The following MLLT10 variants were observed in gnomAD, a reference collection of about 807,000 sequenced individuals.
The protein encoded by MLLT10 is MLLT10 histone lysine methyltransferase DOT1L cofactor, also known as protein AF-10.
MLLT10 carries 30 observed loss-of-function variants against 129.1 expected under a neutral mutation model. The ratio of observed to expected loss-of-function variants is 0.23; its 90% CI spans 0.17 to 0.32. The LOEUF is 0.32. Among genes scored for constraint, MLLT10 ranks in the 10% least tolerant of loss-of-function variants. The pLI is 1.00. For missense variants in MLLT10, 1,119 were observed against 1,268.3 expected, an observed-to-expected ratio of 0.88 and a Z score of 1.79; for synonymous variants, 490 against 446.4, an observed-to-expected ratio of 1.10 and a Z score of -1.23.
At chr10:21,727,196 T>A (rs557714120) in intron 15 of MLLT10, among the ~76,000 whole-genome samples, 1 of 152,262 alleles carries the variant, frequency 6.6e-6, no homozygotes, top group South Asian at 2.1e-4. Flanking sequence ...ATAAGGTGAT[T>A]TTTATAAGGA....
intron 3 of MLLT10, among the ~76,000 whole-genome samples, chr10:21,573,618 G>A (rs533464957): frequency 6.7e-6 from 1 of 150,328 alleles, no homozygotes; most frequent in Non-Finnish European, 1.5e-5. Flanking sequence ...TTAGTGATGG[G>A]TACAGTGGCA....
Position 21,743,263 on chromosome 10 carries a change from G to A in MLLT10, c.*1280G>A, listed in dbSNP as rs140699186. 82 of 227,404 alleles carry A rather than the reference G, an allele frequency of 3.6e-4. No homozygotes were observed. In the East Asian group the frequency reaches 5.2e-3, roughly 14 times the overall value. The allele number at this position is 227,404 out of a possible 1,614,324, so 14.1% of individuals were successfully genotyped here. ...ATGTTAATTCTGCAATATGTTTCTT[G>A]GTTAAACATTGCACAGTTCTTACCT... On this transcript the variant is annotated 3_prime_UTR_variant, in exon 23 of 23. Coordinates refer to ENST00000307729, the MANE Select transcript of MLLT10 (RefSeq NM_001195626.3).
intron 14 of MLLT10, among the ~76,000 whole-genome samples, chr10:21,714,314 A>C (rs2056365299): frequency 6.7e-6 from 1 of 148,160 alleles, no homozygotes; most frequent in African/African-American, 2.5e-5. Context: ...TTTTAAAATT[A>C]CACAAAAAAT....
chr10:21,553,807 G>A (rs1489864964), intron 3 of MLLT10, among the ~76,000 whole-genome samples: 4 of 151,920 alleles, frequency 2.6e-5, no homozygotes, highest in East Asian at 1.9e-4. Context: ...GCGCCACCAT[G>A]CCTGGCTAAT....
intron 5 of MLLT10, among the ~76,000 whole-genome samples, chr10:21,602,745 T>G (rs79786925): frequency 6.6e-6 from 1 of 152,126 alleles, no homozygotes; most frequent in South Asian, 2.1e-4. Flanking sequence ...TTTTTTTTTT[T>G]TGAGACAGTG....
chr10:21,592,617 C>T (rs553343967), intron 4 of MLLT10, among the ~76,000 whole-genome samples: 27 of 152,162 alleles, frequency 1.8e-4, no homozygotes, highest in East Asian at 1.7e-3. Context: ...CCACCTTGCC[C>T]GGCTAATTTT....
chr10:21,675,307 T>A (rs759017671), intron 11 of MLLT10, among the ~76,000 whole-genome samples: 14 of 152,194 alleles, frequency 9.2e-5, no homozygotes, highest in African/African-American at 3.4e-4. Flanking sequence ...AGTCTTCATG[T>A]GTTACCCTGT....
intron 9 of MLLT10, among the ~76,000 whole-genome samples, chr10:21,654,777 G>T (rs1409622354): frequency 6.6e-6 from 1 of 152,120 alleles, no homozygotes; most frequent in East Asian, 1.9e-4. Context: ...ATGCCAGGGG[G>T]GTTATAATGA....
chr10:21,740,772 GTTAAA>G (rs1359967506), intron 22 of MLLT10, among the ~76,000 whole-genome samples: 1 of 152,196 alleles, frequency 6.6e-6, no homozygotes, highest in African/African-American at 2.4e-5. Flanking sequence ...CAATGTGAAA[GTTAAA>G]TTAAAAATGG....
intron 3 of MLLT10, among the ~76,000 whole-genome samples, chr10:21,574,700 T>C (rs1443995105): frequency 2.6e-5 from 4 of 152,198 alleles, no homozygotes; most frequent in Non-Finnish European, 5.9e-5. Context: ...TTTTAGACTA[T>C]ATAGGGTAAC....
At chr10:21,675,553 T>G (rs1425533266) in intron 11 of MLLT10, among the ~76,000 whole-genome samples, 1 of 152,242 alleles carries the variant, frequency 6.6e-6, no homozygotes, top group Non-Finnish European at 1.5e-5. Context: ...ATACATTGCA[T>G]ATTTGAATGT....
At chr10:21,740,290 C>A in intron 22 of MLLT10, 54 bp downstream of exon 22, 1 of 1,547,228 alleles carries the variant, frequency 6.5e-7, no homozygotes, top group South Asian at 1.2e-5. Flanking sequence ...ATTGATTAAT[C>A]GGAGATGATC....
intron 13 of MLLT10, among the ~76,000 whole-genome samples, chr10:21,695,779 T>C (rs1039339638): frequency 6.6e-6 from 1 of 152,176 alleles, no homozygotes; most frequent in African/African-American, 2.4e-5. Context: ...TCCCTTCTTA[T>C]GTTAATTTAA....
intron 13 of MLLT10, among the ~76,000 whole-genome samples, chr10:21,711,925 T>G (rs1449634758): frequency 6.6e-6 from 1 of 152,178 alleles, no homozygotes; most frequent in East Asian, 1.9e-4. Context: ...TGTAATGCCT[T>G]TTTTCTACGC....
chr10:21,599,376 A>C (rs2043305626), intron 5 of MLLT10, among the ~76,000 whole-genome samples: 1 of 152,110 alleles, frequency 6.6e-6, no homozygotes, highest in South Asian at 2.1e-4. Flanking sequence ...AGGTCACAAT[A>C]CTTTGATTCA....
At chr10:21,672,752 T>G (rs2051600405) in intron 10 of MLLT10, among the ~76,000 whole-genome samples, 1 of 152,248 alleles carries the variant, frequency 6.6e-6, no homozygotes, top group African/African-American at 2.4e-5. Flanking sequence ...ATGATCATTA[T>G]TTTGTCAAAT....
intron 13 of MLLT10, among the ~76,000 whole-genome samples, chr10:21,705,752 C>A (rs117774982): frequency 0.011 from 1,621 of 152,250 alleles, 16 homozygotes; most frequent in Non-Finnish European, 0.017. Flanking sequence ...CAGTGTGTAG[C>A]CTGTTGGGTA....
At chr10:21,694,020 T>C (rs2054131324) in intron 13 of MLLT10, among the ~76,000 whole-genome samples, 1 of 152,252 alleles carries the variant, frequency 6.6e-6, no homozygotes, top group Admixed American at 6.5e-5. Flanking sequence ...GCTGCGTAGT[T>C]CTTTTCCCAC....
At chr10:21,704,238 T>C (rs2055238279) in intron 13 of MLLT10, among the ~76,000 whole-genome samples, 1 of 150,316 alleles carries the variant, frequency 6.7e-6, no homozygotes, top group Non-Finnish European at 1.5e-5. Flanking sequence ...TGCAGTCCTG[T>C]ACTCAAGTGA....
Sources: allele counts gnomAD v4.1 joint callset (sites outside exome capture counted in the v4.1 genomes callset), GRCh38; gene constraint gnomAD v4.1.1; transcripts MANE v1.5; gene names NCBI Gene and HGNC (gene_info 2026-07-23, HGNC 2026-07-21).